The following TOGARAM2 variants were observed in gnomAD, a reference collection of about 807,000 sequenced individuals.
TOGARAM2 encodes TOG array regulator of axonemal microtubules protein 2.
TOGARAM2 carries 85 observed loss-of-function variants against 93.3 expected under a neutral mutation model. The observed-to-expected ratio is 0.91, with a 90% CI of 0.76 to 1.09. The LOEUF (loss-of-function observed/expected upper bound fraction) is 1.09, where lower values mean the gene tolerates loss of function less well. Ranked by LOEUF, TOGARAM2 falls within the 50% of genes least tolerant of loss-of-function variation. The pLI is 0.00. For synonymous variants in TOGARAM2, 593 were observed against 552.8 expected, an observed-to-expected ratio of 1.07 and a Z score of -1.02; for missense variants, 1,277 against 1,334.5, an observed-to-expected ratio of 0.96 and a Z score of 0.67.
chr2:28,976,171 C>T (rs552284690), intron 1 of TOGARAM2, among the ~76,000 whole-genome samples: 2 of 152,140 alleles, frequency 1.3e-5, no homozygotes, highest in African/African-American at 2.4e-5. Context: ...GAGATCGAGA[C>T]CATCCTGGCT....
intron 1 of TOGARAM2, among the ~76,000 whole-genome samples, chr2:28,982,683 A>T (rs1672257539): frequency 6.6e-6 from 1 of 152,196 alleles, no homozygotes; most frequent in Non-Finnish European, 1.5e-5. Flanking sequence ...GCATCCTCCC[A>T]TTGACCCCAC....
intron 1 of TOGARAM2, among the ~76,000 whole-genome samples, chr2:28,973,843 C>G (rs1671988923): frequency 1.3e-5 from 2 of 152,206 alleles, no homozygotes; most frequent in Admixed American, 6.5e-5. Flanking sequence ...CTTAGCCATT[C>G]TTTGCGGGTA....
At chr2:29,004,615 T>A (rs1673512808) in intron 6 of TOGARAM2, among the ~76,000 whole-genome samples, 1 of 139,866 alleles carries the variant, frequency 7.1e-6, no homozygotes, top group Admixed American at 7.2e-5. Context: ...CATGTATGAG[T>A]GCCTGCAGGT....
At chr2:29,047,571 A>G (rs1167450959) in intron 19 of TOGARAM2, 1 of 152,210 alleles carries the variant, frequency 6.6e-6, no homozygotes, top group East Asian at 1.9e-4. Flanking sequence ...CTTGAGTTTA[A>G]TGGGGCTTGC....
In TOGARAM2 at chr2:29,022,258, C is replaced by G; in HGVS notation, c.1461C>G (p.Asn487Lys). The change falls in exon 11 of 20, where the codon AAC (asparagine) becomes AAG (lysine). Residue 487 changes from asparagine to lysine, a missense_variant. Transcript: ENST00000379558. ...GTAAGGAGTTGAGGCCTTTCTCGAA[C>G]CCGGAGCTGGGGCTGAGGGATGCAC... ...RACKELRPFS[N>K]PELGLRDALQ... 6.2e-7 allele frequency: 1 copy of G among 1,614,028 alleles called. No homozygotes were observed. Among genetic ancestry groups the G allele is most frequent in the South Asian group, 1.1e-5 (1 of 91,090 alleles).
rs144767768 is a variant in TOGARAM2 at position 28,999,248 on chromosome 2, C to T, written c.207C>T (p.Leu69=). The T allele has an allele frequency of 1.2e-5, 19 of 1,613,808 alleles. No homozygotes were observed. In the East Asian group the frequency reaches 1.8e-4, roughly 15 times the overall value. The change falls in exon 4 of 20, where the codon CTC becomes CTT. Residue 69 remains leucine (L), a synonymous_variant. Coordinates refer to ENST00000379558, the MANE Select transcript of TOGARAM2 (RefSeq NM_199280.4). ...NEEPSQLLRG[L]GQLGGLKLDT... ...AACCGTCACAGCTCCTGCGTGGACTCGGACAGCTGGGTGGCCTCAAGCTGG... is the reference window on the plus strand; with the variant it reads ...AACCGTCACAGCTCCTGCGTGGACTTGGACAGCTGGGTGGCCTCAAGCTGG...
At chr2:28,970,032 C>G (rs1443807911) in intron 1 of TOGARAM2, among the ~76,000 whole-genome samples, 4 of 152,008 alleles carry the variant, frequency 2.6e-5, no homozygotes, top group Non-Finnish European at 5.9e-5. Flanking sequence ...AGGCTGGTCT[C>G]GAACTCTTGA....
intron 6 of TOGARAM2, among the ~76,000 whole-genome samples, chr2:29,006,376 ATGTGTGTGAGTGCG>A (rs1346725071): frequency 4.0e-5 from 5 of 125,690 alleles, no homozygotes; most frequent in Admixed American, 2.4e-4. Flanking sequence ...GTGCATGTGT[ATGTGTGTGAGTGCG>A]TGTGTGTGAG....
chr2:28,990,972 AGTGTGTGTGTGTGTGAAGGGT>A (rs1558406285), intron 1 of TOGARAM2, among the ~76,000 whole-genome samples: 1 of 131,830 alleles, frequency 7.6e-6, no homozygotes, highest in African/African-American at 2.9e-5. Flanking sequence ...TGGACATGCG[AGTGTGTGTGTGTGTGAAGGGT>A]GTGTGTGTGT....
Position 29,002,709 on chromosome 2 carries a change from A to G in TOGARAM2, c.601A>G (p.Ile201Val). ...GAAGGGCCTGGACCTACCGGGGAGC[A>G]TTCCGGGTCCTCACGAGTTGAGACC... is the stretch of plus-strand genomic sequence containing the variant. Reference protein sequence around the residue: ...KEKGLDLPGSIPGPHELRPGA... With the variant: ...KEKGLDLPGSVPGPHELRPGA... Residue 201 changes from isoleucine (I) to valine (V), a missense_variant, in exon 5 of 20, where the codon ATT becomes GTT. By Grantham distance (29) the Ile-to-Val change is conservative. Coordinates refer to ENST00000379558, the MANE Select transcript of TOGARAM2 (RefSeq NM_199280.4). 1 of 1,613,972 alleles carries G rather than the reference A, an allele frequency of 6.2e-7. No individual in the cohort carries two copies. Among genetic ancestry groups the G allele is most frequent in the Non-Finnish European group, 8.5e-7 (1 of 1,179,880 alleles).
intron 6 of TOGARAM2, among the ~76,000 whole-genome samples, chr2:29,005,918 CAT>C (rs1663747555): frequency 2.9e-5 from 4 of 139,896 alleles, no homozygotes; most frequent in Admixed American, 2.9e-4. Flanking sequence ...TGTGTAAGTG[CAT>C]GTGTGTGGAG....
At chr2:29,000,206 G>A (rs1472239537) in intron 4 of TOGARAM2, among the ~76,000 whole-genome samples, 1 of 152,190 alleles carries the variant, frequency 6.6e-6, no homozygotes, top group African/African-American at 2.4e-5. Context: ...AGATCTCGGT[G>A]TGAGGCACAG....
chr2:29,042,189 A>G (rs1195692418), intron 18 of TOGARAM2, among the ~76,000 whole-genome samples: 1 of 152,224 alleles, frequency 6.6e-6, no homozygotes. Flanking sequence ...CCTTCACTCT[A>G]AAAGTGGCCA....
In TOGARAM2 at chr2:28,995,522, G is replaced by A. The variant is rs151268218; in HGVS notation, c.28+660G>A. Among the ~76,000 whole-genome samples, 411 of 152,308 alleles carry A rather than the reference G, an allele frequency of 2.7e-3. 2 individuals are homozygous for A. Among genetic ancestry groups the A allele is most frequent in the African/African-American group, 8.3e-3 (347 of 41,570 alleles). ...CATGATGCACACGGCAGAACTCCCCGGGGCTTCGACATATGAATCGGAAAA... is the reference window on the plus strand; with the variant it reads ...CATGATGCACACGGCAGAACTCCCCAGGGCTTCGACATATGAATCGGAAAA... On this transcript the variant is annotated intron_variant, in intron 2 of 19. Transcript: ENST00000379558.
At chr2:28,983,697 G>C (rs527864280) in intron 1 of TOGARAM2, among the ~76,000 whole-genome samples, 2 of 152,208 alleles carry the variant, frequency 1.3e-5, no homozygotes, top group Admixed American at 1.3e-4. Context: ...TGAACATTAG[G>C]TTTGTGCATT....
chr2:29,014,921 G>T (rs1274763711), intron 8 of TOGARAM2, among the ~76,000 whole-genome samples: 4 of 152,282 alleles, frequency 2.6e-5, no homozygotes, highest in African/African-American at 7.2e-5. Flanking sequence ...GAACTGCGCT[G>T]CGTGGTTTGA....
intron 1 of TOGARAM2, among the ~76,000 whole-genome samples, chr2:28,958,786 A>G (rs1671760096): frequency 6.6e-6 from 1 of 152,196 alleles, no homozygotes; most frequent in Non-Finnish European, 1.5e-5. Context: ...AAACGTCAAT[A>G]TAAAAAGCAT....
rs766082528 is a variant in TOGARAM2 at position 29,024,267 on chromosome 2, G to T, written c.1746G>T (p.Ala582=). ...EIARCLLQKM[A]DTNEFIQRAA... Reference sequence around the variant, plus strand: ...CCCGCTGCTTGCTGCAGAAGATGGCGGACACCAACGAGTTCATCCAGAGAG... The same window carrying T: ...CCCGCTGCTTGCTGCAGAAGATGGCTGACACCAACGAGTTCATCCAGAGAG... The change falls in exon 13 of 20, where the codon GCG becomes GCT. Residue 582 remains alanine (A), a synonymous_variant. Coordinates refer to ENST00000379558, the MANE Select transcript of TOGARAM2 (RefSeq NM_199280.4). The T allele has an allele frequency of 3.7e-6, 6 of 1,612,888 alleles. No homozygotes were observed. The highest frequency in any genetic ancestry group is 1.3e-5 in the African/African-American group (1 of 74,902).
intron 1 of TOGARAM2, among the ~76,000 whole-genome samples, chr2:28,987,213 G>A (rs557072792): frequency 6.6e-6 from 1 of 152,288 alleles, no homozygotes; most frequent in East Asian, 1.9e-4. Context: ...CATTGCCCCG[G>A]GCGCAAAGCA....
Sources: gnomAD v4.1 joint callset for allele counts (sites outside exome capture counted in the v4.1 genomes callset) on GRCh38, gnomAD v4.1.1 for gene constraint, MANE v1.5 for transcripts, NCBI Gene and HGNC (gene_info 2026-07-23, HGNC 2026-07-21) for gene names.